The following ANKRD28 variants were observed in gnomAD, a reference collection of about 807,000 sequenced individuals.
ANKRD28 encodes serine/threonine-protein phosphatase 6 regulatory ankyrin repeat subunit A.
In ANKRD28, 44 loss-of-function variants were observed where a neutral mutation model predicts 126.5. The ratio of observed to expected loss-of-function variants is 0.35; its 90% CI spans 0.27 to 0.45. ANKRD28 has a LOEUF of 0.45. Among genes scored for constraint, ANKRD28 ranks in the 20% least tolerant of loss-of-function variants. ANKRD28 has a pLI of 1.00. For missense variants in ANKRD28, 1,110 were observed against 1,316.6 expected, an observed-to-expected ratio of 0.84 and a Z score of 2.43; for synonymous variants, 442 against 468.5, an observed-to-expected ratio of 0.94 and a Z score of 0.73.
chr3:15,807,615 C>T (rs2060612503), intron 1 of ANKRD28, among the ~76,000 whole-genome samples: 1 of 152,160 alleles, frequency 6.6e-6, no homozygotes, highest in African/African-American at 2.4e-5. Context: ...TTACTAGACA[C>T]TGGGCAGACT....
intron 1 of ANKRD28, among the ~76,000 whole-genome samples, chr3:15,835,213 T>A (rs899171708): frequency 2.0e-5 from 3 of 152,122 alleles, no homozygotes; most frequent in African/African-American, 7.2e-5. Flanking sequence ...GAGGATGTTT[T>A]ATCTAATTTT....
chr3:15,759,128 G>C (rs1054223957), intron 3 of ANKRD28, among the ~76,000 whole-genome samples: 9 of 152,110 alleles, frequency 5.9e-5, no homozygotes, highest in Admixed American at 1.3e-4. Flanking sequence ...TTTACTAAAA[G>C]CTAAATAGGT....
chr3:15,766,089 T>C (rs1048847068), intron 3 of ANKRD28, 145 bp downstream of exon 3: 1 of 612,616 alleles, frequency 1.6e-6, no homozygotes, highest in Admixed American at 3.0e-5. Flanking sequence ...GATCAGTATT[T>C]ATGGAATGAA....
At chr3:15,735,732 T>G (rs1211445546) in intron 5 of ANKRD28, among the ~76,000 whole-genome samples, 3 of 152,206 alleles carry the variant, frequency 2.0e-5, no homozygotes, top group Non-Finnish European at 4.4e-5. Flanking sequence ...AGGATGCCAC[T>G]TTGTGCCTTG....
intron 14 of ANKRD28, among the ~76,000 whole-genome samples, chr3:15,698,230 G>GA (rs1263333705): frequency 2.0e-5 from 3 of 152,058 alleles, no homozygotes; most frequent in Non-Finnish European, 2.9e-5. Context: ...GGTATTGATG[G>GA]AATGTATCTC....
chr3:15,790,392 A>G (rs530024821), intron 2 of ANKRD28, among the ~76,000 whole-genome samples: 2 of 152,272 alleles, frequency 1.3e-5, no homozygotes, highest in East Asian at 3.9e-4. Flanking sequence ...GAAATCCTCA[A>G]CAAAATACTA....
chr3:15,803,446 G>A (rs564395499), intron 1 of ANKRD28, among the ~76,000 whole-genome samples: 117 of 151,910 alleles, frequency 7.7e-4, no homozygotes, highest in African/African-American at 2.8e-3. Context: ...GTGAAACCCC[G>A]TCTCTATTAA....
At chr3:15,694,419 A>G (rs992735588) in intron 17 of ANKRD28, among the ~76,000 whole-genome samples, 1 of 152,148 alleles carries the variant, frequency 6.6e-6, no homozygotes, top group African/African-American at 2.4e-5. Context: ...CCACTAGGGC[A>G]GCACATTTTA....
At position 15,691,419 on chromosome 3, in the gene ANKRD28, G is replaced by A. The variant is rs981128033; in HGVS notation, c.1762-1199C>T. On this transcript the variant is annotated intron_variant, in intron 17 of 27. Transcript: ENST00000683139. Reference sequence around the variant, plus strand: ...ATTACAGGCGTGAGCCACTGCGCCCGGCCCCGAGTTGCCTTCTTCATACAG... The same window carrying A: ...ATTACAGGCGTGAGCCACTGCGCCCAGCCCCGAGTTGCCTTCTTCATACAG... 2.6e-5 allele frequency among the ~76,000 whole-genome samples: 4 copies of A among 152,274 alleles called. No individual in the cohort carries two copies. In the South Asian group the frequency reaches 8.3e-4, roughly 32 times the overall value.
At chr3:15,778,419 TA>T (rs767840575) in intron 2 of ANKRD28, among the ~76,000 whole-genome samples, 2 of 152,056 alleles carry the variant, frequency 1.3e-5, no homozygotes, top group Non-Finnish European at 2.9e-5. Flanking sequence ...GAGACCTGAC[TA>T]AAGGAAAAAA....
chr3:15,742,605 T>TGGG (rs2057144035), intron 4 of ANKRD28, among the ~76,000 whole-genome samples: 2 of 1,544 alleles, frequency 1.3e-3, no homozygotes, highest in African/African-American at 6.3e-3. Context: ...GGGAGGGAGG[T>TGGG]GGGGGTCAGC....
chr3:15,859,679 T>TC (rs1365763761), exon 1 of ANKRD28: 1 of 138,052 alleles, frequency 7.2e-6, no homozygotes, highest in Non-Finnish European at 1.5e-5. Context: ...TTCCTTTCTT[T>TC]CTCCTTCCCT....
intron 14 of ANKRD28, among the ~76,000 whole-genome samples, chr3:15,698,129 G>C (rs1559358375): frequency 6.6e-6 from 1 of 151,830 alleles, no homozygotes; most frequent in African/African-American, 2.4e-5. Flanking sequence ...CATTAGTCTT[G>C]CTAGCGGTCT....
chr3:15,766,148 G>C, intron 3 of ANKRD28, 86 bp downstream of exon 3: 1 of 978,160 alleles, frequency 1.0e-6, no homozygotes, highest in Non-Finnish European at 1.5e-6. Flanking sequence ...AACAGGCCAT[G>C]CAGTAAATAG....
upstream of ANKRD28, among the ~76,000 whole-genome samples, chr3:15,802,889 A>G (rs1017891968): frequency 1.6e-4 from 24 of 152,176 alleles, no homozygotes; most frequent in African/African-American, 5.5e-4. Flanking sequence ...AAACAAAATT[A>G]TGAATAGTCA....
At chr3:15,719,817 A>G (rs1473138578) in intron 8 of ANKRD28, among the ~76,000 whole-genome samples, 1 of 152,102 alleles carries the variant, frequency 6.6e-6, no homozygotes, top group Non-Finnish European at 1.5e-5. Flanking sequence ...GGCCTCCTAA[A>G]GCACTGGGAT....
intron 4 of ANKRD28, among the ~76,000 whole-genome samples, chr3:15,748,913 T>C (rs939265335): frequency 6.4e-4 from 98 of 152,202 alleles, no homozygotes; most frequent in African/African-American, 2.3e-3. Context: ...TCTTTGTCTT[T>C]GATGGATTGG....
chr3:15,763,257 T>C (rs756389020), intron 3 of ANKRD28, among the ~76,000 whole-genome samples: 2 of 152,212 alleles, frequency 1.3e-5, no homozygotes, highest in African/African-American at 2.4e-5. Context: ...CCCTTTCCAC[T>C]TACCTGATAC....
At chr3:15,724,602 C>A (rs2074020707) in intron 6 of ANKRD28, 78 bp from the exon 7 acceptor site, 3 of 1,375,470 alleles carry the variant, frequency 2.2e-6, no homozygotes, top group Admixed American at 2.6e-5. Flanking sequence ...TATCTTTAAG[C>A]AAATTTAAAA....
Sources: gnomAD v4.1 joint callset for allele counts (sites outside exome capture counted in the v4.1 genomes callset) on GRCh38, gnomAD v4.1.1 for gene constraint, MANE v1.5 for transcripts, NCBI Gene and HGNC (gene_info 2026-07-23, HGNC 2026-07-21) for gene names.